The following TMEM8B variants were observed in gnomAD, a reference collection of about 807,000 sequenced individuals.
TMEM8B encodes transmembrane protein 8B.
TMEM8B carries 29 observed loss-of-function variants against 49.3 expected under a neutral mutation model. That is an observed-to-expected ratio of 0.59 (90% CI 0.44 to 0.80). TMEM8B has a LOEUF of 0.80. Ranked by LOEUF, TMEM8B falls within the 30% of genes least tolerant of loss-of-function variation. The pLI is 0.00. For synonymous variants in TMEM8B, 264 were observed against 272.8 expected (o/e 0.97, Z 0.32); for missense variants, 575 against 658.5 (o/e 0.87, Z 1.39).
chr9:35,842,208 C>T lies in TMEM8B; in HGVS notation c.1310-184C>T, dbSNP rs1316932698. Reference sequence around the variant, plus strand: ...CTCAGTTCCCTCCAGTGTGGTATTGCATTAGCTGTCACCATTAGGAAACCC... The same window carrying T: ...CTCAGTTCCCTCCAGTGTGGTATTGTATTAGCTGTCACCATTAGGAAACCC... On this transcript the variant is annotated intron_variant, in intron 5 of 12. Transcript: ENST00000643932. This position sits in a 1 kb window ranked among gnomAD's most constrained non-coding sequence, Gnocchi z 5.6. Among the ~76,000 whole-genome samples, 2 of 152,314 alleles carry T rather than the reference C, an allele frequency of 1.3e-5. No homozygotes were observed. The highest frequency in any genetic ancestry group is 3.9e-4 in the East Asian group (2 of 5,184).
rs1339844360 is a variant in TMEM8B, at chr9:35,853,297, G to C, written c.2439+40G>C. The C allele has an allele frequency of 2.6e-6, 4 of 1,555,556 alleles. No individual in the cohort carries two copies. In the East Asian group the frequency reaches 6.7e-5, roughly 26 times the overall value. The stretch of plus-strand genomic sequence containing the variant: ...GGATGTGGGGGGAGGGTCCCAGCAG[G>C]ACTTGGGTGCTGGGCCCCAGGTATC... On this transcript the variant is annotated intron_variant, in intron 12 of 12. Coordinates refer to ENST00000643932, the MANE Select transcript of TMEM8B (RefSeq NM_001042590.4). This position sits in a 1 kb window ranked among gnomAD's most constrained non-coding sequence, Gnocchi z 4.2.
rs1234545911 is a variant in TMEM8B at position 35,846,523 on chromosome 9, C to T, written c.1908C>T (p.Ser636=). The T allele has an allele frequency of 5.7e-6, 9 of 1,589,776 alleles. No individual in the cohort carries two copies. The highest frequency in any genetic ancestry group is 7.7e-6 in the Non-Finnish European group (9 of 1,168,174). The change falls in exon 9 of 13, where the codon TCC becomes TCT. Residue 636 remains serine (S), a synonymous_variant. Coordinates refer to ENST00000643932, the MANE Select transcript of TMEM8B (RefSeq NM_001042590.4). ...AGGTGCGGATGCGCACCTTCCTGTCCCCATGCGTGGACGACTGCGGGCCCT... is the reference window on the plus strand; with the variant it reads ...AGGTGCGGATGCGCACCTTCCTGTCTCCATGCGTGGACGACTGCGGGCCCT... ...TAEVRMRTFL[S]PCVDDCGPYG...
intron 3 of TMEM8B, among the ~76,000 whole-genome samples, chr9:35,839,892 G>A (rs879414116): frequency 6.6e-6 from 1 of 152,208 alleles, no homozygotes; most frequent in Non-Finnish European, 1.5e-5. Flanking sequence ...GCCAGGTGGT[G>A]TGCTAGACAC....
chr9:35,832,232 C>T (rs1043457461), intron 1 of TMEM8B, among the ~76,000 whole-genome samples: 6 of 150,266 alleles, frequency 4.0e-5, no homozygotes, highest in East Asian at 3.9e-4. Context: ...GGGTGATGGT[C>T]GGAATTACCC....
intron 6 of TMEM8B, among the ~76,000 whole-genome samples, chr9:35,845,134 A>G (rs948985059): frequency 8.5e-5 from 13 of 152,210 alleles, no homozygotes; most frequent in Admixed American, 2.6e-4. Context: ...TTTGATGAGA[A>G]TTTATCTCAG....
In TMEM8B at chr9:35,835,952, T is replaced by C. The variant is rs185534840; in HGVS notation, c.906+734T>C. ...TGGATTAGGCCAGACAGGTCTCCTA[T>C]TCCTGTTCACTGGAGGAGAAGCAGG... On this transcript the variant is annotated intron_variant, in intron 3 of 12. Coordinates refer to ENST00000643932, the MANE Select transcript of TMEM8B (RefSeq NM_001042590.4). 8.5e-5 allele frequency among the ~76,000 whole-genome samples: 13 copies of C among 152,356 alleles called. No individual in the cohort carries two copies. The East Asian group carries it at 2.5e-3, about 29-fold the overall frequency.
At position 35,855,921 on chromosome 9, in the gene TMEM8B, C is replaced by A. The variant is rs1241081069; in HGVS notation, c.*2081C>A. The A allele has an allele frequency of 6.6e-6, 1 of 152,190 alleles. No individual in the cohort carries two copies. Among genetic ancestry groups the A allele is most frequent in the Non-Finnish European group, 1.5e-5 (1 of 68,036 alleles). 9.4% of individuals were successfully genotyped at this position (152,190 alleles called of 1,614,324 possible). On this transcript the variant is annotated 3_prime_UTR_variant, in exon 13 of 13. Coordinates refer to ENST00000643932, the MANE Select transcript of TMEM8B (RefSeq NM_001042590.4). ...ATTTTAGAAAATACTGTTCCTACAT[C>A]AGAAATACCACATTAAGACGTATAG...
At chr9:35,839,717 G>A (rs1464229532) in intron 3 of TMEM8B, among the ~76,000 whole-genome samples, 1 of 152,200 alleles carries the variant, frequency 6.6e-6, no homozygotes. Flanking sequence ...TATTGTGGTG[G>A]TGATTCTTGC....
At chr9:35,850,862 C>G (rs1354906639) in intron 10 of TMEM8B, among the ~76,000 whole-genome samples, 4 of 152,064 alleles carry the variant, frequency 2.6e-5, no homozygotes, top group African/African-American at 9.7e-5. Flanking sequence ...TTGGTTAAGG[C>G]TGGATGTAAA....
At chr9:35,843,950 G>A (rs1831265289) in intron 6 of TMEM8B, among the ~76,000 whole-genome samples, 1 of 152,092 alleles carries the variant, frequency 6.6e-6, no homozygotes, top group African/African-American at 2.4e-5. Flanking sequence ...TTTTAGTAGA[G>A]ACTGGGTTTC....
At position 35,842,983 on chromosome 9, in the gene TMEM8B, C is replaced by T. The variant is rs149299276; in HGVS notation, c.1635+266C>T. 6.6e-6 allele frequency among the ~76,000 whole-genome samples: 1 copy of T among 152,184 alleles called. No individual in the cohort carries two copies. Among genetic ancestry groups the T allele is most frequent in the African/African-American group, 2.4e-5 (1 of 41,414 alleles). On this transcript the variant is annotated intron_variant, in intron 6 of 12. Coordinates refer to ENST00000643932, the MANE Select transcript of TMEM8B (RefSeq NM_001042590.4). The surrounding 1 kb of genome is among the most constrained non-coding windows in gnomAD (Gnocchi z 5.6). ...GGCTCACTTCCTGCTCATTACTGGC[C>T]TTTCACTACGGTAGTTGTTAACCTT...
Position 35,853,546 on chromosome 9 carries a change from G to C in TMEM8B, c.2481G>C (p.Thr827=). The change falls in exon 13 of 13, where the codon ACG becomes ACC. Residue 827 remains threonine (T), a synonymous_variant. Coordinates refer to ENST00000643932, the MANE Select transcript of TMEM8B (RefSeq NM_001042590.4). This position sits in a 1 kb window ranked among gnomAD's most constrained non-coding sequence, Gnocchi z 4.2. The stretch of plus-strand genomic sequence containing the variant: ...GCCGCCGGCACTGCTACCCACCCAC[G>C]TGGCGCCGCTGGCTTTTCTACTTGT... ...SVRRRHCYPP[T]WRRWLFYLCP... is the part of the protein sequence containing the mutation. 1 of 1,614,138 alleles carries C rather than the reference G, an allele frequency of 6.2e-7. No homozygotes were observed. The highest frequency in any genetic ancestry group is 1.3e-5 in the African/African-American group (1 of 75,074).
At chr9:35,846,741 C>A in intron 9 of TMEM8B, 76 bp from the exon 10 acceptor site, 2 of 1,548,584 alleles carry the variant, frequency 1.3e-6, no homozygotes, top group Non-Finnish European at 1.7e-6. Context: ...CGGGGTGAGA[C>A]CACCCTCCAC....
rs371296921 is a variant in TMEM8B at position 35,849,493 on chromosome 9, T to C, written c.2175+2498T>C. On this transcript the variant is annotated intron_variant, in intron 10 of 12. Coordinates refer to ENST00000643932, the MANE Select transcript of TMEM8B (RefSeq NM_001042590.4). ...TTTAATCCTCACAATAGTACTGTTA[T>C]AGTTGATACATGCTTTTATTCTTGT... 1.5e-3 allele frequency among the ~76,000 whole-genome samples: 223 copies of C among 152,370 alleles called. 7 individuals are homozygous for C. The South Asian group carries it at 0.043, about 29-fold the overall frequency.
Position 35,847,151 on chromosome 9 carries a change from C to G in TMEM8B, c.2175+156C>G, listed in dbSNP as rs377036662. On this transcript the variant is annotated intron_variant, in intron 10 of 12. Coordinates refer to ENST00000643932, the MANE Select transcript of TMEM8B (RefSeq NM_001042590.4). ...CAGCAGTGCTTCCCAAACTGTCATG[C>G]ATAGATAATGGTCATTTTTGTAAGA... The G allele has an allele frequency of 3.7e-6, 6 of 1,610,704 alleles. No individual in the cohort carries two copies. In the African/African-American group the frequency reaches 6.7e-5, roughly 18 times the overall value.
At chr9:35,846,138 TGG>T (rs1269298758) in intron 7 of TMEM8B, 70 bp downstream of exon 7, 1 of 1,590,398 alleles carries the variant, frequency 6.3e-7, no homozygotes, top group African/African-American at 1.4e-5. Context: ...GAGGTGAAGG[TGG>T]GGAGGGATGG....
rs1487646757 is a variant in TMEM8B, at chr9:35,853,481, G to C, written c.2440-24G>C. Reference sequence around the variant, plus strand: ...GGGTTCCAGGGCTTGGCATTCCTGAGCCCCACTTCTCTGTCTCCCCCAGAC... The same window carrying C: ...GGGTTCCAGGGCTTGGCATTCCTGACCCCCACTTCTCTGTCTCCCCCAGAC... On this transcript the variant is annotated intron_variant, in intron 12 of 12. Transcript: ENST00000643932. The surrounding 1 kb of genome is among the most constrained non-coding windows in gnomAD (Gnocchi z 4.2). 6.3e-7 allele frequency: 1 copy of C among 1,596,418 alleles called. No homozygotes were observed. Among genetic ancestry groups the C allele is most frequent in the Admixed American group, 1.7e-5 (1 of 59,158 alleles).
chr9:35,833,339 G>A, intron 1 of TMEM8B: 7 of 985,302 alleles, frequency 7.1e-6, no homozygotes, highest in Non-Finnish European at 8.4e-6. Flanking sequence ...TGTCCTGGAG[G>A]TGTCATCTTG....
Position 35,832,907 on chromosome 9 carries a change from A to G in TMEM8B, c.509-1554A>G, listed in dbSNP as rs550275679. On this transcript the variant is annotated intron_variant, in intron 1 of 12. Coordinates refer to ENST00000643932, the MANE Select transcript of TMEM8B (RefSeq NM_001042590.4). ...CTTTATCCCTCTCGGCTGCATCTCT[A>G]TCACTCTCTGAATGCTGCACTGGTA... Among the ~76,000 whole-genome samples the G allele has an allele frequency of 7.6e-4, 116 of 152,182 alleles. 3 individuals are homozygous for G. In the Middle Eastern group the frequency reaches 0.01, roughly 13 times the overall value.
Sources: allele counts gnomAD v4.1 joint callset (sites outside exome capture counted in the v4.1 genomes callset), GRCh38; gene constraint gnomAD v4.1.1; non-coding constraint Gnocchi (gnomAD v3.1); transcripts MANE v1.5; gene names NCBI Gene and HGNC (gene_info 2026-07-23, HGNC 2026-07-21).